Variants in STXBP5L observed in about 807,000 individuals in gnomAD.
STXBP5L encodes syntaxin-binding protein 5-like.
A neutral mutation model predicts 144.5 loss-of-function variants in STXBP5L; 65 were observed. That is an observed-to-expected ratio of 0.45 (90% CI 0.37 to 0.55). STXBP5L has a LOEUF of 0.55. Among genes scored for constraint, STXBP5L ranks in the 20% least tolerant of loss-of-function variants. The pLI is 0.00. For synonymous variants in STXBP5L, 505 were observed against 469.6 expected, an observed-to-expected ratio of 1.08 and a Z score of -0.97; for missense variants, 1,298 against 1,405.5, an observed-to-expected ratio of 0.92 and a Z score of 1.22.
intron 22 of STXBP5L, among the ~76,000 whole-genome samples, chr3:121,401,294 C>G (rs1159289483): frequency 6.6e-6 from 1 of 152,116 alleles, no homozygotes; most frequent in Non-Finnish European, 1.5e-5. Flanking sequence ...AGGAGCATCC[C>G]CTACCTACTA....
chr3:121,214,203 C>A (rs1412309008), intron 10 of STXBP5L, among the ~76,000 whole-genome samples: 2 of 152,082 alleles, frequency 1.3e-5, no homozygotes, highest in East Asian at 3.8e-4. Flanking sequence ...ATGTCTCTAT[C>A]TCCTTCAGTT....
chr3:121,177,695 A>G (rs9864860), intron 9 of STXBP5L, among the ~76,000 whole-genome samples: 15,126 of 152,258 alleles, frequency 0.099, 1,187 homozygotes, highest in Admixed American at 0.2. Context: ...TAAATGATAC[A>G]GCTTCTGTGG....
chr3:120,971,988 T>C (rs1940327255), intron 3 of STXBP5L, among the ~76,000 whole-genome samples: 3 of 152,044 alleles, frequency 2.0e-5, no homozygotes, highest in Admixed American at 1.3e-4. Context: ...TGTGACCTAC[T>C]GTGACAAACG....
intron 3 of STXBP5L, among the ~76,000 whole-genome samples, chr3:120,964,853 C>T (rs1288231343): frequency 1.3e-5 from 2 of 152,120 alleles, no homozygotes; most frequent in Non-Finnish European, 2.9e-5. Flanking sequence ...ATTGATCTGT[C>T]TAATTTTGAC....
At position 121,052,951 on chromosome 3, in the gene STXBP5L, A is replaced by G. The variant is rs572167554; in HGVS notation, c.470+7416A>G. ...ATCACAAGCATTCTTATACACAAAT[A>G]ACAGACAAACAGAGAGCCAAATCAT... On this transcript the variant is annotated intron_variant, in intron 5 of 26. Coordinates refer to ENST00000471454, the MANE Select transcript of STXBP5L (RefSeq NM_001308330.2). Among the ~76,000 whole-genome samples, 42 of 152,364 alleles carry G rather than the reference A, an allele frequency of 2.8e-4. No homozygotes were observed. The South Asian group carries it at 8.1e-3, about 29-fold the overall frequency.
chr3:121,205,010 T>C (rs747645163), intron 9 of STXBP5L, among the ~76,000 whole-genome samples: 3 of 152,240 alleles, frequency 2.0e-5, no homozygotes, highest in Non-Finnish European at 4.4e-5. Flanking sequence ...GTGTTCATTG[T>C]CTAATGGAAG....
At chr3:121,154,109 A>G (rs531059220) in intron 8 of STXBP5L, among the ~76,000 whole-genome samples, 74 of 151,812 alleles carry the variant, frequency 4.9e-4, no homozygotes, top group Non-Finnish European at 8.9e-4. Context: ...AGAGAGTAAA[A>G]TTTCAGTGAA....
chr3:120,961,609 T>A (rs922953628), intron 3 of STXBP5L, among the ~76,000 whole-genome samples: 1 of 152,240 alleles, frequency 6.6e-6, no homozygotes, highest in Non-Finnish European at 1.5e-5. Context: ...GAACTCATCC[T>A]TTTTTATGGC....
chr3:121,067,077 T>C (rs1386896388), intron 5 of STXBP5L, among the ~76,000 whole-genome samples: 1 of 152,046 alleles, frequency 6.6e-6, no homozygotes, highest in Non-Finnish European at 1.5e-5. Context: ...TAAAAATAAG[T>C]CTTCTGGAGA....
chr3:121,318,801 G>A (rs1016336788), intron 20 of STXBP5L, among the ~76,000 whole-genome samples: 3 of 152,112 alleles, frequency 2.0e-5, no homozygotes, highest in African/African-American at 7.2e-5. Flanking sequence ...AAGTTATTTT[G>A]CAGATACATT....
At chr3:121,125,345 G>T (rs987484186) in intron 7 of STXBP5L, among the ~76,000 whole-genome samples, 1 of 151,894 alleles carries the variant, frequency 6.6e-6, no homozygotes, top group African/African-American at 2.4e-5. Flanking sequence ...GGTGGCATGC[G>T]CCTGTAGTCC....
intron 18 of STXBP5L, among the ~76,000 whole-genome samples, chr3:121,275,400 T>C (rs528065467): frequency 8.5e-5 from 13 of 152,286 alleles, no homozygotes; most frequent in African/African-American, 2.9e-4. Context: ...TTTACTTAAG[T>C]CTTCTTTAAT....
chr3:121,231,130 A>G (rs1242439238), intron 11 of STXBP5L, among the ~76,000 whole-genome samples: 1 of 152,234 alleles, frequency 6.6e-6, no homozygotes, highest in East Asian at 1.9e-4. Flanking sequence ...CCTCTTGTTT[A>G]TAATATGCAC....
intron 18 of STXBP5L, among the ~76,000 whole-genome samples, chr3:121,262,594 G>C (rs2050419397): frequency 2.0e-5 from 3 of 152,092 alleles, no homozygotes; most frequent in African/African-American, 7.2e-5. Context: ...TTGCACTCCA[G>C]CCTGGGTGAC....
intron 3 of STXBP5L, among the ~76,000 whole-genome samples, chr3:120,957,788 T>C (rs553994355): frequency 6.6e-6 from 1 of 152,008 alleles, no homozygotes; most frequent in Non-Finnish European, 1.5e-5. Context: ...TAGCACTAAA[T>C]GCCCACAAGA....
rs374935984 is a variant in STXBP5L at position 121,415,988 on chromosome 3, T to C, written c.3226+20T>C. The C allele has an allele frequency of 1.3e-5, 20 of 1,590,274 alleles. No homozygotes were observed. In the African/African-American group the frequency reaches 1.6e-4, roughly 13 times the overall value. On this transcript the variant is annotated intron_variant, in intron 25 of 26. Coordinates refer to ENST00000471454, the MANE Select transcript of STXBP5L (RefSeq NM_001308330.2). Reference sequence around the variant, plus strand: ...AGCTCTGTGAGTAAATTCCTGATTATAGAAATGTATTGCAAAATAGAAGAC... The same window carrying C: ...AGCTCTGTGAGTAAATTCCTGATTACAGAAATGTATTGCAAAATAGAAGAC...
intron 18 of STXBP5L, 103 bp from the exon 19 acceptor site, chr3:121,279,702 C>A: frequency 7.1e-7 from 1 of 1,414,032 alleles, no homozygotes; most frequent in East Asian, 2.4e-5. Context: ...CCAACTTCCC[C>A]AACCCTAAGA....
intron 20 of STXBP5L, among the ~76,000 whole-genome samples, chr3:121,363,768 A>G (rs2045785363): frequency 6.6e-6 from 1 of 151,932 alleles, no homozygotes; most frequent in Non-Finnish European, 1.5e-5. Flanking sequence ...TTTTCTGTGT[A>G]GATATTTGTT....
intron 5 of STXBP5L, among the ~76,000 whole-genome samples, chr3:121,068,127 G>A (rs1358993999): frequency 2.0e-5 from 3 of 152,054 alleles, no homozygotes; most frequent in Admixed American, 6.6e-5. Context: ...CTCCTGCCTC[G>A]GCCTCCCAAG....
Sources: allele counts gnomAD v4.1 joint callset (sites outside exome capture counted in the v4.1 genomes callset), GRCh38; gene constraint gnomAD v4.1.1; transcripts MANE v1.5; gene names NCBI Gene and HGNC (gene_info 2026-07-23, HGNC 2026-07-21).